The following DMP1 variants were observed in gnomAD, a reference collection of about 807,000 sequenced individuals.
The protein encoded by DMP1 is dentin matrix protein 1.
Under a neutral mutation model 14.6 loss-of-function variants are expected in DMP1, and 20 were observed. That is an observed-to-expected ratio of 1.37 (90% CI 0.96 to 1.99). DMP1 has a LOEUF of 1.99. DMP1 is among the 30% of genes most tolerant of loss of function. The probability of loss-of-function intolerance (pLI) is 0.00; values close to 1 mark genes in which losing one functional copy is unlikely to be tolerated. For synonymous variants in DMP1, 197 were observed against 215.3 expected, an observed-to-expected ratio of 0.91 and a Z score of 0.75; for missense variants, 567 against 620.5, an observed-to-expected ratio of 0.91 and a Z score of 0.92.
At chr4:87,653,386 G>GATATATATATATATAT (rs57266829) in intron 1 of DMP1, among the ~76,000 whole-genome samples, 3 of 57,764 alleles carry the variant, frequency 5.2e-5, no homozygotes, top group South Asian at 9.5e-4. Context: ...ATTATCGAGT[G>GATATATATATATATAT]ATATATATAT....
At chr4:87,661,446 T>G (rs2110015689) in intron 5 of DMP1, among the ~76,000 whole-genome samples, 1 of 151,694 alleles carries the variant, frequency 6.6e-6, no homozygotes, top group East Asian at 1.9e-4. Context: ...ATGGTCTCGA[T>G]CTCCTGACCT....
At chr4:87,651,693 G>C (rs946161855) in intron 1 of DMP1, among the ~76,000 whole-genome samples, 8 of 152,016 alleles carry the variant, frequency 5.3e-5, no homozygotes, top group Non-Finnish European at 1.0e-4. Context: ...GAGAATATGG[G>C]CTAGAAAAGT....
intron 2 of DMP1, among the ~76,000 whole-genome samples, 162 bp downstream of exon 2, chr4:87,656,708 T>A (rs879272596): frequency 8.5e-5 from 13 of 152,254 alleles, no homozygotes; most frequent in Admixed American, 8.5e-4. Context: ...AGGTGTTTTT[T>A]ATTCTGTTCA....
rs564814184 is a variant in DMP1 at position 87,652,148 on chromosome 4, C to T, written c.-22+1764C>T. Among the ~76,000 whole-genome samples the T allele has an allele frequency of 1.2e-4, 18 of 152,214 alleles. No homozygotes were observed. In the South Asian group the frequency reaches 1.5e-3, roughly 12 times the overall value. On this transcript the variant is annotated intron_variant, in intron 1 of 5. Transcript: ENST00000339673. Reference sequence around the variant, plus strand: ...TCAAGTTGTTTATTTCCTTTTGTTACGTCATCTCACTGTAGAATGACAGCA... The same window carrying T: ...TCAAGTTGTTTATTTCCTTTTGTTATGTCATCTCACTGTAGAATGACAGCA...
Position 87,663,238 on chromosome 4 carries a change from A to G in DMP1, c.1460A>G (p.Glu487Gly). Residue 487 changes from glutamate to glycine, a missense_variant, in exon 6 of 6, where the codon GAG becomes GGG. By Grantham distance (98) the Glu-to-Gly change is moderately conservative. Transcript: ENST00000339673. ...GGCCAGTTGAAAAACATTGAGATAG[A>G]GAGCCGGAAATTAACAGTTGATGCC... Reference protein sequence around the residue: ...EDGQLKNIEIESRKLTVDAYH... With the variant: ...EDGQLKNIEIGSRKLTVDAYH... 6.2e-7 allele frequency: 1 copy of G among 1,614,238 alleles called. No individual in the cohort carries two copies. The highest frequency in any genetic ancestry group is 1.7e-5 in the Admixed American group (1 of 60,032).
intron 5 of DMP1, among the ~76,000 whole-genome samples, chr4:87,660,178 C>T (rs1315239728): frequency 6.6e-6 from 1 of 152,148 alleles, no homozygotes; most frequent in African/African-American, 2.4e-5. Flanking sequence ...CTACACTTAG[C>T]CAGAGTTGGA....
At chr4:87,656,624 G>A (rs907506694) in intron 2 of DMP1, 78 bp downstream of exon 2, 3 of 943,776 alleles carry the variant, frequency 3.2e-6, no homozygotes, top group African/African-American at 1.6e-5. Flanking sequence ...TATGAACCAA[G>A]ATGGCTGTGT....
Position 87,663,059 on chromosome 4 carries a change from C to T in DMP1, c.1281C>T (p.Ser427=). The T allele has an allele frequency of 6.2e-7, 1 of 1,614,182 alleles. No individual in the cohort carries two copies. The highest frequency in any genetic ancestry group is 8.5e-7 in the Non-Finnish European group (1 of 1,180,018). The change falls in exon 6 of 6, where the codon AGC becomes AGT. Residue 427 remains serine (S), a synonymous_variant. Coordinates refer to ENST00000339673, the MANE Select transcript of DMP1 (RefSeq NM_004407.4). ...ESPESPEDEN[S]SSQEGLQSHS... ...CGGAGTCCCCTGAGGATGAGAACAG[C>T]TCCAGCCAGGAGGGCCTCCAGTCTC...
At chr4:87,661,808 G>T (rs1203631009) in intron 5 of DMP1, among the ~76,000 whole-genome samples, 154 bp from the exon 6 acceptor site, 1 of 152,072 alleles carries the variant, frequency 6.6e-6, no homozygotes, top group East Asian at 1.9e-4. Context: ...TCCTATTTAA[G>T]CTCTGGTAGA....
intron 3 of DMP1, 23 bp from the exon 4 acceptor site, chr4:87,659,197 T>C: frequency 6.2e-7 from 1 of 1,613,432 alleles, no homozygotes. Flanking sequence ...GTAATTTGTT[T>C]TCCTTCCTTT....
chr4:87,663,164 C>A lies in DMP1; in HGVS notation c.1386C>A (p.Ser462=). The change falls in exon 6 of 6, where the codon TCC becomes TCA. Residue 462 remains serine (S), a synonymous_variant. Transcript: ENST00000339673. ...DDSDSQDSSR[S]KEDSNSTESK... ...GTGACTCTCAAGACAGCAGCAGATC[C>A]AAAGAAGATAGCAACTCCACGGAGA... 1.2e-6 allele frequency: 2 copies of A among 1,614,102 alleles called. No individual in the cohort carries two copies. Among genetic ancestry groups the A allele is most frequent in the Non-Finnish European group, 1.7e-6 (2 of 1,180,030 alleles).
intron 3 of DMP1, 70 bp downstream of exon 3, chr4:87,657,149 A>C: frequency 1.1e-6 from 1 of 901,626 alleles, no homozygotes; most frequent in Non-Finnish European, 1.8e-6. Context: ...AATTGATTTC[A>C]TTGCAAATAT....
Position 87,662,895 on chromosome 4 carries a change from A to G in DMP1, c.1117A>G (p.Ser373Gly). ...GGGAGATAACCCCGACCCCACAACT[A>G]GTTATGTAGAAGACCAGGAAGACAG... ...SRGDNPDPTT[S>G]YVEDQEDSDS... The change falls in exon 6 of 6, where the codon AGT becomes GGT. Residue 373 changes from serine to glycine, a missense_variant. Physicochemically the swap from Ser to Gly is moderately conservative, Grantham distance 56. Coordinates refer to ENST00000339673, the MANE Select transcript of DMP1 (RefSeq NM_004407.4). 1 of 1,614,168 alleles carries G rather than the reference A, an allele frequency of 6.2e-7. No individual in the cohort carries two copies. Among genetic ancestry groups the G allele is most frequent in the Non-Finnish European group, 8.5e-7 (1 of 1,180,040 alleles).
intron 1 of DMP1, among the ~76,000 whole-genome samples, chr4:87,655,505 T>C (rs1728661100): frequency 6.6e-6 from 1 of 152,168 alleles, no homozygotes; most frequent in Non-Finnish European, 1.5e-5. Context: ...AGCATAATTA[T>C]GTATAATGTA....
intron 1 of DMP1, among the ~76,000 whole-genome samples, chr4:87,654,186 G>A (rs909868392): frequency 6.6e-6 from 1 of 152,144 alleles, no homozygotes; most frequent in Non-Finnish European, 1.5e-5. Context: ...TTTCTTTAAG[G>A]CCAGTTGTTA....
rs1009092274 is a variant in DMP1 at position 87,662,535 on chromosome 4, G to A, written c.757G>A (p.Asp253Asn). 4 of 1,614,160 alleles carry A rather than the reference G, an allele frequency of 2.5e-6. No homozygotes were observed. Among genetic ancestry groups the A allele is most frequent in the Non-Finnish European group, 3.4e-6 (4 of 1,180,032 alleles). Residue 253 changes from aspartate to asparagine, a missense_variant, in exon 6 of 6, where the codon GAT becomes AAT. Transcript: ENST00000339673. The stretch of plus-strand genomic sequence containing the variant: ...AAACAGTGAGCAAGCAAACACTCAA[G>A]ATTCAGGTGGCAGCCAATTGCTGGA... ...GENSEQANTQ[D>N]SGGSQLLEHP...
intron 5 of DMP1, 74 bp downstream of exon 5, chr4:87,659,552 TG>T (rs1400032411): frequency 7.4e-7 from 1 of 1,343,554 alleles, no homozygotes; most frequent in African/African-American, 1.4e-5. Flanking sequence ...TTAAATTACC[TG>T]GCGACAGTTC....
At chr4:87,653,568 G>T (rs1186481496) in intron 1 of DMP1, among the ~76,000 whole-genome samples, 2 of 150,824 alleles carry the variant, frequency 1.3e-5, no homozygotes, top group African/African-American at 4.9e-5. Context: ...TGGGACTACA[G>T]GCACGTGCCA....
chr4:87,661,920 G>T (rs1005346701), intron 5 of DMP1, 42 bp from the exon 6 acceptor site: 10 of 1,614,024 alleles, frequency 6.2e-6, no homozygotes, highest in Non-Finnish European at 8.5e-6. Flanking sequence ...TTCTCTATCG[G>T]TTCCTGGAAT....
Sources: allele counts gnomAD v4.1 joint callset (sites outside exome capture counted in the v4.1 genomes callset), GRCh38; gene constraint gnomAD v4.1.1; transcripts MANE v1.5; gene names NCBI Gene and HGNC (gene_info 2026-07-23, HGNC 2026-07-21).